ATP8A2: variants seen among roughly 807,000 people sequenced by gnomAD.
ATP8A2 encodes ATPase phospholipid transporting 8A2.
Under a neutral mutation model 165.6 loss-of-function variants are expected in ATP8A2, and 100 were observed. That is an observed-to-expected ratio of 0.60 (90% CI 0.51 to 0.71). ATP8A2 has a LOEUF of 0.71. Among genes scored for constraint, ATP8A2 ranks in the 30% least tolerant of loss-of-function variants. The pLI is 0.00. For missense variants in ATP8A2, 1,227 were observed against 1,479.5 expected, an observed-to-expected ratio of 0.83 and a Z score of 2.80; for synonymous variants, 543 against 548.8, an observed-to-expected ratio of 0.99 and a Z score of 0.15.
At chr13:25,467,870 G>A (rs1346178486) in intron 1 of ATP8A2, among the ~76,000 whole-genome samples, 1 of 152,188 alleles carries the variant, frequency 6.6e-6, no homozygotes, top group Non-Finnish European at 1.5e-5. Flanking sequence ...GTTTTTTAAT[G>A]GTGTGCAACG....
chr13:25,465,470 G>A (rs990114566), intron 1 of ATP8A2, among the ~76,000 whole-genome samples: 5 of 151,058 alleles, frequency 3.3e-5, no homozygotes, highest in African/African-American at 9.8e-5. Flanking sequence ...CTATTTACTC[G>A]TGTCAATAAT....
intron 35 of ATP8A2, among the ~76,000 whole-genome samples, chr13:25,997,741 G>T (rs1436888678): frequency 6.6e-6 from 1 of 151,592 alleles, no homozygotes; most frequent in African/African-American, 2.4e-5. Context: ...TTTTATTTCA[G>T]TTGTTATATT....
chr13:25,829,737 T>C (rs1951417600), intron 28 of ATP8A2, among the ~76,000 whole-genome samples: 1 of 126,682 alleles, frequency 7.9e-6, no homozygotes, highest in African/African-American at 3.0e-5. Context: ...GCTTATAGTA[T>C]GAGTGGATTT....
At chr13:25,979,069 GTC>G (rs1956126450) in intron 35 of ATP8A2, among the ~76,000 whole-genome samples, 2 of 150,202 alleles carry the variant, frequency 1.3e-5, no homozygotes, top group Admixed American at 1.3e-4. Flanking sequence ...CTAGTGACTA[GTC>G]TCTGTCACTA....
chr13:25,524,432 G>C (rs967335005), intron 2 of ATP8A2, among the ~76,000 whole-genome samples: 2 of 152,114 alleles, frequency 1.3e-5, no homozygotes, highest in Admixed American at 6.5e-5. Flanking sequence ...CTGTCTAGAT[G>C]ATCTGTCCAT....
At chr13:25,838,421 T>C (rs1951675105) in intron 29 of ATP8A2, among the ~76,000 whole-genome samples, 1 of 152,336 alleles carries the variant, frequency 6.6e-6, no homozygotes, top group African/African-American at 2.4e-5. Context: ...TGTGATTCCG[T>C]TAATGGGAAA....
chr13:25,512,122 C>T (rs1269610362), intron 2 of ATP8A2, among the ~76,000 whole-genome samples: 2 of 151,578 alleles, frequency 1.3e-5, no homozygotes, highest in East Asian at 3.8e-4. Context: ...ATCTGTTTAA[C>T]AAAGCACATC....
At chr13:25,986,403 CTTTG>C (rs1402222793) in intron 35 of ATP8A2, among the ~76,000 whole-genome samples, 1 of 152,230 alleles carries the variant, frequency 6.6e-6, no homozygotes, top group Non-Finnish European at 1.5e-5. Flanking sequence ...CCCTTCTTCT[CTTTG>C]TTTGTGAGTT....
chr13:25,586,519 C>T lies in ATP8A2; in HGVS notation c.2147-3116C>T, dbSNP rs552757711. Among the ~76,000 whole-genome samples the T allele has an allele frequency of 9.9e-5, 15 of 152,278 alleles. No individual in the cohort carries two copies. In the East Asian group the frequency reaches 2.5e-3, roughly 25 times the overall value. On this transcript the variant is annotated intron_variant, in intron 23 of 36. Coordinates refer to ENST00000381655, the MANE Select transcript of ATP8A2 (RefSeq NM_016529.6). ...TCTCTGGATGATGAGGGGCTCTGGA[C>T]GGGCTGTCTTTGATCCCACCTGGGA...
intron 1 of ATP8A2, 139 bp from the exon 2 acceptor site, chr13:25,468,838 A>C: frequency 7.4e-7 from 1 of 1,357,002 alleles, no homozygotes; most frequent in Non-Finnish European, 9.5e-7. Flanking sequence ...AGGGGGAGCC[A>C]AGGTACGTAG....
chr13:25,755,048 G>A (rs555879751), intron 25 of ATP8A2, among the ~76,000 whole-genome samples: 1 of 152,302 alleles, frequency 6.6e-6, no homozygotes, highest in East Asian at 1.9e-4. Context: ...ACTACTTCCA[G>A]CACATGAATG....
At chr13:25,481,913 T>G (rs145581780) in intron 2 of ATP8A2, among the ~76,000 whole-genome samples, 1 of 152,140 alleles carries the variant, frequency 6.6e-6, no homozygotes, top group East Asian at 1.9e-4. Context: ...ATCCTAATTA[T>G]CTCCAAAAGG....
At chr13:25,992,328 A>G (rs1484543197) in intron 35 of ATP8A2, among the ~76,000 whole-genome samples, 1 of 145,592 alleles carries the variant, frequency 6.9e-6, no homozygotes, top group Non-Finnish European at 1.5e-5. Flanking sequence ...ACATCTTTTC[A>G]TGTGTTTATT....
At chr13:25,894,120 C>T (rs980010466) in intron 33 of ATP8A2, among the ~76,000 whole-genome samples, 1 of 152,110 alleles carries the variant, frequency 6.6e-6, no homozygotes, top group Non-Finnish European at 1.5e-5. Context: ...TGCCTATGTC[C>T]CGAATGGTAT....
At chr13:25,410,103 C>T (rs1039618781) in intron 1 of ATP8A2, among the ~76,000 whole-genome samples, 2 of 151,360 alleles carry the variant, frequency 1.3e-5, no homozygotes, top group African/African-American at 2.4e-5. Context: ...GCCTTCTGCA[C>T]GGCTCTTGCT....
rs368548434 is a variant in ATP8A2 at position 26,018,523 on chromosome 13, G to A, written c.3470-1365G>A. 2.0e-5 allele frequency among the ~76,000 whole-genome samples: 3 copies of A among 152,206 alleles called. No individual in the cohort carries two copies. In the East Asian group the frequency reaches 5.8e-4, roughly 29 times the overall value. The stretch of plus-strand genomic sequence containing the variant: ...TGATAAGTTGTACGCATGCATGGAT[G>A]GAATTCAAGATTGTCAGGTTTTTTT... On this transcript the variant is annotated intron_variant, in intron 36 of 36. Coordinates refer to ENST00000381655, the MANE Select transcript of ATP8A2 (RefSeq NM_016529.6).
At chr13:25,807,041 A>G (rs12859952) in intron 27 of ATP8A2, among the ~76,000 whole-genome samples, 35,957 of 151,728 alleles carry the variant, frequency 0.24, 4,290 homozygotes, top group African/African-American at 0.26. Context: ...TTATTGTTGG[A>G]CTATAAGTGT....
intron 33 of ATP8A2, chr13:25,927,117 T>G (rs570840255): frequency 2.2e-6 from 1 of 456,754 alleles, no homozygotes; most frequent in Admixed American, 2.3e-5. Flanking sequence ...GTAGCTCACA[T>G]GCATGGTTTG....
intron 33 of ATP8A2, chr13:25,868,057 G>T: frequency 2.2e-6 from 1 of 453,104 alleles, no homozygotes; most frequent in Non-Finnish European, 4.4e-6. Context: ...TGTGCTGCCC[G>T]GCCTTGTGGG....
Sources: allele counts gnomAD v4.1 joint callset (sites outside exome capture counted in the v4.1 genomes callset), GRCh38; gene constraint gnomAD v4.1.1; transcripts MANE v1.5; gene names NCBI Gene and HGNC (gene_info 2026-07-23, HGNC 2026-07-21).